Variants in TMEM163 observed in about 807,000 individuals in gnomAD.
TMEM163 encodes transmembrane protein 163.
TMEM163 carries 17 observed loss-of-function variants against 29.3 expected under a neutral mutation model. The observed-to-expected ratio is 0.58, with a 90% CI of 0.40 to 0.87. The LOEUF is 0.87. TMEM163 is among the 40% of genes least tolerant of loss of function. The pLI, the probability that TMEM163 is intolerant of heterozygous loss-of-function variation, is 0.00. For synonymous variants in TMEM163, 157 were observed against 160.6 expected, an observed-to-expected ratio of 0.98 and a Z score of 0.17; for missense variants, 303 against 381.5, an observed-to-expected ratio of 0.79 and a Z score of 1.71.
intron 2 of TMEM163, among the ~76,000 whole-genome samples, chr2:134,630,094 G>A (rs549244846): frequency 2.6e-5 from 4 of 152,256 alleles, no homozygotes; most frequent in African/African-American, 9.6e-5. Flanking sequence ...ACTGTTCACG[G>A]TGCCTAACTG....
chr2:134,638,193 G>A (rs1393769431), intron 2 of TMEM163, among the ~76,000 whole-genome samples: 21 of 152,080 alleles, frequency 1.4e-4, no homozygotes, highest in Non-Finnish European at 1.8e-4. Context: ...ATTAATAGCC[G>A]CAGGATATTC....
intron 2 of TMEM163, among the ~76,000 whole-genome samples, chr2:134,624,533 C>T (rs1682807014): frequency 6.6e-6 from 1 of 152,234 alleles, no homozygotes; most frequent in Admixed American, 6.5e-5. Context: ...ATGAAATATT[C>T]TGTACAACAA....
At chr2:134,674,505 G>GCC (rs1558987380) in intron 2 of TMEM163, among the ~76,000 whole-genome samples, 1 of 31,268 alleles carries the variant, frequency 3.2e-5, no homozygotes, top group Non-Finnish European at 7.5e-5. Flanking sequence ...GCGCGCGCGC[G>GCC]CGCGCTACCA....
intron 2 of TMEM163, among the ~76,000 whole-genome samples, chr2:134,636,947 C>T (rs1306809423): frequency 1.3e-5 from 2 of 152,190 alleles, no homozygotes; most frequent in East Asian, 1.9e-4. Flanking sequence ...CCCAACCAAC[C>T]AGCACTTCTG....
rs184202807 is a variant in TMEM163 at position 134,698,900 on chromosome 2, C to T, written c.322+14300G>A. 8.5e-5 allele frequency among the ~76,000 whole-genome samples: 13 copies of T among 152,290 alleles called. No individual in the cohort carries two copies. In the East Asian group the frequency reaches 2.5e-3, roughly 29 times the overall value. On this transcript the variant is annotated intron_variant, in intron 2 of 7. Transcript: ENST00000281924. Reference sequence around the variant, plus strand: ...ATATGATGGAAGCAGTCACCTTTTACAAATATTCCATAATGTGCAAACATC... The same window carrying T: ...ATATGATGGAAGCAGTCACCTTTTATAAATATTCCATAATGTGCAAACATC...
chr2:134,574,274 A>T (rs1242471124), intron 2 of TMEM163, among the ~76,000 whole-genome samples: 1 of 152,242 alleles, frequency 6.6e-6, no homozygotes, highest in East Asian at 1.9e-4. Flanking sequence ...AATCTAGAAG[A>T]CACAGCCATG....
intron 2 of TMEM163, among the ~76,000 whole-genome samples, chr2:134,609,998 C>T (rs550376196): frequency 2.6e-5 from 4 of 152,248 alleles, no homozygotes; most frequent in African/African-American, 4.8e-5. Flanking sequence ...AAAATCAAAG[C>T]TGCTGGGTGG....
chr2:134,490,102 TGA>T (rs1679398514), intron 5 of TMEM163, among the ~76,000 whole-genome samples: 2 of 152,182 alleles, frequency 1.3e-5, no homozygotes, highest in Admixed American at 6.5e-5. Flanking sequence ...CAGTCTCCTT[TGA>T]GAGACAAGTA....
In TMEM163 at chr2:134,469,592, G is replaced by A. The variant is rs186636281; in HGVS notation, c.556-3367C>T. 318 of 152,224 alleles carry A rather than the reference G, an allele frequency of 2.1e-3. 4 individuals are homozygous for A. The highest frequency in any genetic ancestry group is 2.8e-3 in the Non-Finnish European group (193 of 68,078). 9.4% of individuals were successfully genotyped at this position (152,224 alleles called of 1,614,324 possible). A position where few individuals can be genotyped will look rare whatever the true frequency, so the allele number is the denominator to read the frequency against. On this transcript the variant is annotated intron_variant, in intron 5 of 7. Coordinates refer to ENST00000281924, the MANE Select transcript of TMEM163 (RefSeq NM_030923.5). ...ATCTGCATGAGTGAAAGGTGGAGGT[G>A]AAGCGGCTCCGGTGCTGCCGCAGCT...
chr2:134,679,910 C>T (rs751678306), intron 2 of TMEM163, among the ~76,000 whole-genome samples: 31 of 151,602 alleles, frequency 2.0e-4, no homozygotes, highest in Admixed American at 3.9e-4. Flanking sequence ...CTAACCACAC[C>T]GGCTTCCCCA....
At chr2:134,684,344 C>A (rs983290028) in intron 2 of TMEM163, among the ~76,000 whole-genome samples, 1 of 152,082 alleles carries the variant, frequency 6.6e-6, no homozygotes, top group Non-Finnish European at 1.5e-5. Flanking sequence ...CACCTACAGG[C>A]AAAATGAGCC....
intron 2 of TMEM163, among the ~76,000 whole-genome samples, chr2:134,596,674 A>C (rs1299326183): frequency 1.3e-5 from 2 of 152,074 alleles, no homozygotes; most frequent in African/African-American, 4.8e-5. Flanking sequence ...CTTGATGGGG[A>C]TGGCATTGAA....
At chr2:134,658,472 T>G (rs1415423094) in intron 2 of TMEM163, among the ~76,000 whole-genome samples, 1 of 152,048 alleles carries the variant, frequency 6.6e-6, no homozygotes, top group Non-Finnish European at 1.5e-5. Flanking sequence ...GATCCTGGTG[T>G]TGTTCTGAGT....
intron 2 of TMEM163, among the ~76,000 whole-genome samples, chr2:134,699,516 A>C (rs2104890228): frequency 6.6e-6 from 1 of 152,270 alleles, no homozygotes; most frequent in African/African-American, 2.4e-5. Flanking sequence ...AAAAAAAAAA[A>C]ATGTTGTAGA....
chr2:134,599,178 G>A (rs1450269617), intron 2 of TMEM163, among the ~76,000 whole-genome samples: 1 of 152,122 alleles, frequency 6.6e-6, no homozygotes, highest in African/African-American at 2.4e-5. Context: ...TGGAATTGGA[G>A]GCTACACACT....
At chr2:134,593,809 ATT>A (rs199837410) in intron 2 of TMEM163, among the ~76,000 whole-genome samples, 46 of 144,702 alleles carry the variant, frequency 3.2e-4, no homozygotes, top group Non-Finnish European at 3.4e-4. Flanking sequence ...GACTCTGGGA[ATT>A]TTTTTTTTTT....
intron 2 of TMEM163, among the ~76,000 whole-genome samples, chr2:134,569,845 T>C (rs1183356629): frequency 6.6e-6 from 1 of 152,194 alleles, no homozygotes; most frequent in Non-Finnish European, 1.5e-5. Flanking sequence ...ATGATCCATA[T>C]GTTTTAAATT....
chr2:134,504,618 T>G (rs1021349743), intron 4 of TMEM163, among the ~76,000 whole-genome samples: 8 of 152,174 alleles, frequency 5.3e-5, no homozygotes, highest in African/African-American at 1.9e-4. Flanking sequence ...AAGTCACCTC[T>G]AGGAGCATAC....
chr2:134,456,984 C>T (rs1686411654), intron 7 of TMEM163, among the ~76,000 whole-genome samples: 2 of 152,084 alleles, frequency 1.3e-5, no homozygotes, highest in African/African-American at 4.8e-5. Flanking sequence ...CCTCCCCACG[C>T]CTGACGAGAA....
Sources: allele counts gnomAD v4.1 joint callset (sites outside exome capture counted in the v4.1 genomes callset), GRCh38; gene constraint gnomAD v4.1.1; transcripts MANE v1.5; gene names NCBI Gene and HGNC (gene_info 2026-07-23, HGNC 2026-07-21).